Variants in NOD1 observed in about 807,000 individuals in gnomAD.
The protein encoded by NOD1 is nucleotide binding oligomerization domain containing 1, also known as nucleotide-binding oligomerization domain-containing protein 1.
A neutral mutation model predicts 81.2 loss-of-function variants in NOD1; 70 were observed. The ratio of observed to expected loss-of-function variants is 0.86; its 90% CI spans 0.71 to 1.05. The LOEUF is 1.05. Among genes scored for constraint, NOD1 ranks in the 50% least tolerant of loss-of-function variants. The pLI, the probability that NOD1 is intolerant of heterozygous loss-of-function variation, is 0.00. For synonymous variants in NOD1, 508 were observed against 526.9 expected (o/e 0.96, Z 0.49); for missense variants, 1,233 against 1,228.0 (o/e 1.00, Z -0.06).
At chr7:30,455,532 G>C (rs375938647) in intron 4 of NOD1, among the ~76,000 whole-genome samples, 1 of 151,626 alleles carries the variant, frequency 6.6e-6, no homozygotes, top group African/African-American at 2.4e-5. Flanking sequence ...GAAACCAGGA[G>C]GCTTCCATGA....
Position 30,448,315 on chromosome 7 carries a change from T to C in NOD1, c.2268A>G (p.Lys756=), listed in dbSNP as rs1311656355. The change falls in exon 7 of 14, where the codon AAA becomes AAG. Residue 756 remains lysine (K), a synonymous_variant. Coordinates refer to ENST00000222823, the MANE Select transcript of NOD1 (RefSeq NM_006092.4). ...KVLSEELTKY[K]IVTYLGLYNN... The stretch of plus-strand genomic sequence containing the variant: ...AGACATACCCCAAATAGGTCACAAT[T>C]TTGTATTTGGTCAGCTCTTCGCTTA... 2 of 1,613,892 alleles carry C rather than the reference T, an allele frequency of 1.2e-6. No homozygotes were observed.
chr7:30,448,683 CGT>C, intron 6 of NOD1, among the ~76,000 whole-genome samples: 1 of 152,306 alleles, frequency 6.6e-6, no homozygotes, highest in East Asian at 1.9e-4. Flanking sequence ...CCACCCTTTG[CGT>C]GTGACCTATG....
At chr7:30,468,309 T>C (rs1787917028) in intron 1 of NOD1, among the ~76,000 whole-genome samples, 1 of 152,214 alleles carries the variant, frequency 6.6e-6, no homozygotes, top group Non-Finnish European at 1.5e-5. Context: ...TCTGGAACAT[T>C]CTGACACCGA....
intron 1 of NOD1, among the ~76,000 whole-genome samples, chr7:30,475,390 G>A (rs1395135782): frequency 2.0e-5 from 3 of 152,152 alleles, no homozygotes; most frequent in Non-Finnish European, 2.9e-5. Flanking sequence ...CACTAATCTG[G>A]TGCTCACTTT....
In NOD1 at chr7:30,452,696, A is replaced by C. The variant is rs757474845; in HGVS notation, c.721T>G (p.Cys241Gly). 6.2e-6 allele frequency: 10 copies of C among 1,613,852 alleles called. No homozygotes were observed. Among genetic ancestry groups the C allele is most frequent in the Middle Eastern group, 1.6e-4 (1 of 6,084 alleles). Residue 241 changes from cysteine (C) to glycine (G), a missense_variant, in exon 6 of 14, where the codon TGC becomes GGC. By Grantham distance (159) the Cys-to-Gly change is radical. Coordinates refer to ENST00000222823, the MANE Select transcript of NOD1 (RefSeq NM_006092.4). Reference sequence around the variant, plus strand: ...CACAGCCTGTCACTTTCCTTGAAGCAGCTGAACATGCGGCAGCGAAAGTGG... The same window carrying C: ...CACAGCCTGTCACTTTCCTTGAAGCCGCTGAACATGCGGCAGCGAAAGTGG... ...FFHFRCRMFSCFKESDRLCLQ... is the reference protein window; with the variant it reads ...FFHFRCRMFSGFKESDRLCLQ...
At position 30,451,090 on chromosome 7, in the gene NOD1, G is replaced by A; in HGVS notation, c.2201+126C>T. 8.7e-7 allele frequency: 1 copy of A among 1,150,358 alleles called. No individual in the cohort carries two copies. The highest frequency in any genetic ancestry group is 1.2e-6 in the Non-Finnish European group (1 of 835,072). 71.3% of individuals were successfully genotyped at this position (1,150,358 alleles called of 1,614,324 possible). A position where few individuals can be genotyped will look rare whatever the true frequency, so the allele number is the denominator to read the frequency against. ...ACCTCTGCCCTGCTAAGAAAGAAAAGGTCTGGACATTCCAAGGGCCATGGT... is the reference window on the plus strand; with the variant it reads ...ACCTCTGCCCTGCTAAGAAAGAAAAAGTCTGGACATTCCAAGGGCCATGGT... On this transcript the variant is annotated intron_variant, in intron 6 of 13. Transcript: ENST00000222823. The surrounding 1 kb of genome is among the most constrained non-coding windows in gnomAD (Gnocchi z 4.2).
At chr7:30,434,357 T>C (rs1784205353) in intron 11 of NOD1, among the ~76,000 whole-genome samples, 1 of 152,194 alleles carries the variant, frequency 6.6e-6, no homozygotes, top group African/African-American at 2.4e-5. Context: ...ATGGGGCACC[T>C]GGCCATGTCC....
At chr7:30,436,645 G>A (rs1435241678) in intron 10 of NOD1, among the ~76,000 whole-genome samples, 1 of 152,212 alleles carries the variant, frequency 6.6e-6, no homozygotes, top group East Asian at 1.9e-4. Context: ...GCAGGAATCT[G>A]CTGGCCAGCA....
At position 30,452,522 on chromosome 7, in the gene NOD1, G is replaced by A. The variant is rs1311828632; in HGVS notation, c.895C>T (p.Pro299Ser). 6.2e-7 allele frequency: 1 copy of A among 1,613,128 alleles called. No homozygotes were observed. The highest frequency in any genetic ancestry group is 1.7e-5 in the Admixed American group (1 of 60,010). The part of the protein sequence containing the change: ...LHSDLDLSRV[P>S]DSSCPWEPAH... ...GGCTCCCAGGGGCAGGAGCTGTCAG[G>A]CACGCGGCTCAGGTCCAAGTCCGAG... Residue 299 changes from proline (P) to serine (S), a missense_variant, in exon 6 of 14, where the codon CCT (proline) becomes TCT (serine). Physicochemically the swap from Pro to Ser is moderately conservative, Grantham distance 74. Coordinates refer to ENST00000222823, the MANE Select transcript of NOD1 (RefSeq NM_006092.4).
chr7:30,454,630 A>G (rs1330259905), intron 5 of NOD1, among the ~76,000 whole-genome samples: 1 of 152,076 alleles, frequency 6.6e-6, no homozygotes, highest in Non-Finnish European at 1.5e-5. Context: ...AGGCTTTTTA[A>G]TTTTTTTCTT....
chr7:30,447,126 T>C, intron 7 of NOD1, 76 bp from the exon 8 acceptor site: 1 of 1,608,766 alleles, frequency 6.2e-7, no homozygotes, highest in Non-Finnish European at 8.5e-7. Flanking sequence ...TTGAAGCATA[T>C]GGTGTCTACT....
At chr7:30,462,029 T>G (rs1254931605) in intron 1 of NOD1, among the ~76,000 whole-genome samples, 1 of 152,154 alleles carries the variant, frequency 6.6e-6, no homozygotes, top group Non-Finnish European at 1.5e-5. Flanking sequence ...TGAGCCACCG[T>G]GCCTGGCCAG....
Position 30,451,484 on chromosome 7 carries a change from G to A in NOD1, c.1933C>T (p.Gln645Ter). Residue 645 changes from glutamine (Q) to a stop codon, truncating the protein, a stop_gained, in exon 6 of 14, where the codon CAG becomes TAG. Transcript: ENST00000222823. LOFTEE classifies it high-confidence loss of function. This position sits in a 1 kb window ranked among gnomAD's most constrained non-coding sequence, Gnocchi z 4.2. ...ATGAACGTGGGCATGGCCTGCACCT[G>A]GTTGAAGCTTTCGACCTGAACGCGG... ...LPRVQVESFNQVQAMPTFIWM... is the reference protein window; with the variant it reads ...LPRVQVESFN 1 of 1,613,232 alleles carries A rather than the reference G, an allele frequency of 6.2e-7. No individual in the cohort carries two copies. The highest frequency in any genetic ancestry group is 8.5e-7 in the Non-Finnish European group (1 of 1,179,944).
At chr7:30,455,452 G>A (rs1339711280) in intron 4 of NOD1, 141 bp from the exon 5 acceptor site, 6 of 624,640 alleles carry the variant, frequency 9.6e-6, no homozygotes, top group Non-Finnish European at 1.6e-5. Context: ...TGCTGTGACA[G>A]TCAACATATT....
chr7:30,463,241 T>C (rs949168451), intron 1 of NOD1, among the ~76,000 whole-genome samples: 9 of 152,192 alleles, frequency 5.9e-5, no homozygotes, highest in African/African-American at 2.2e-4. Flanking sequence ...GTGAATGTTA[T>C]TGTATGAAAT....
intron 13 of NOD1, chr7:30,428,743 A>AGTG: frequency 6.6e-6 from 1 of 152,236 alleles, no homozygotes; most frequent in South Asian, 2.1e-4. Context: ...CCCCTCTCCC[A>AGTG]GCATCCACCC....
chr7:30,431,630 A>G (rs916218053), intron 12 of NOD1, among the ~76,000 whole-genome samples: 4 of 152,228 alleles, frequency 2.6e-5, no homozygotes, highest in East Asian at 3.9e-4. Context: ...ACTTTACACT[A>G]TACAAAAATT....
chr7:30,457,530 G>C (rs1053956950), intron 3 of NOD1, among the ~76,000 whole-genome samples: 2 of 152,018 alleles, frequency 1.3e-5, no homozygotes, highest in Non-Finnish European at 1.5e-5. Flanking sequence ...ACATCTCTAG[G>C]GTAGGTGACC....
chr7:30,455,347 A>G (rs779049375), intron 4 of NOD1, 36 bp from the exon 5 acceptor site: 3 of 1,580,440 alleles, frequency 1.9e-6, no homozygotes, highest in Non-Finnish European at 2.6e-6. Context: ...ACGGGCTGGC[A>G]TGAGGGGCAT....
Sources: gnomAD v4.1 joint callset for allele counts (sites outside exome capture counted in the v4.1 genomes callset) on GRCh38, gnomAD v4.1.1 for gene constraint, Gnocchi (gnomAD v3.1) non-coding constraint, MANE v1.5 for transcripts, NCBI Gene and HGNC (gene_info 2026-07-23, HGNC 2026-07-21) for gene names.